The following CYRIA variants were observed in gnomAD, a reference collection of about 807,000 sequenced individuals.
CYRIA encodes CYFIP-related Rac1 interactor A.
CYRIA carries 15 observed loss-of-function variants against 43.9 expected under a neutral mutation model. The observed-to-expected ratio is 0.34, with a 90% confidence interval of 0.23 to 0.53. The LOEUF is 0.53. CYRIA is among the 20% of genes least tolerant of loss of function. The probability of loss-of-function intolerance (pLI) is 0.94; values close to 1 mark genes in which losing one functional copy is unlikely to be tolerated. For synonymous variants in CYRIA, 117 were observed against 136.0 expected (o/e 0.86, Z 0.97); for missense variants, 236 against 394.2 (o/e 0.60, Z 3.40).
At chr2:16,583,581 T>A (rs1667623573) in intron 3 of CYRIA, among the ~76,000 whole-genome samples, 4 of 152,174 alleles carry the variant, frequency 2.6e-5, no homozygotes, top group Admixed American at 1.3e-4. Context: ...CATTGAAAGG[T>A]TAATGCCTAC....
chr2:16,656,046 C>T (rs993638910), intron 1 of CYRIA, among the ~76,000 whole-genome samples: 3 of 152,012 alleles, frequency 2.0e-5, no homozygotes, highest in South Asian at 4.1e-4. Context: ...GTCAGTTCCA[C>T]CTGTGAGCTA....
intron 1 of CYRIA, among the ~76,000 whole-genome samples, chr2:16,648,537 G>C (rs1327580526): frequency 6.6e-6 from 1 of 152,188 alleles, no homozygotes. Flanking sequence ...TCAGCAAAAG[G>C]CTTTGTGGAT....
At chr2:16,560,258 A>G (rs1439807516) in intron 9 of CYRIA, among the ~76,000 whole-genome samples, 1 of 152,260 alleles carries the variant, frequency 6.6e-6, no homozygotes, top group East Asian at 1.9e-4. Context: ...AATAAATCTT[A>G]ACTTTGGTAC....
intron 5 of CYRIA, among the ~76,000 whole-genome samples, chr2:16,563,480 T>G (rs1044527240): frequency 6.6e-6 from 1 of 152,208 alleles, no homozygotes; most frequent in Admixed American, 6.5e-5. Context: ...GTCATATTGC[T>G]GGTCACATTG....
chr2:16,554,883 AT>A (rs530178561), intron 11 of CYRIA, among the ~76,000 whole-genome samples, 185 bp downstream of exon 11: 1 of 151,970 alleles, frequency 6.6e-6, no homozygotes, highest in African/African-American at 2.4e-5. Context: ...CTTAAATCTC[AT>A]TTTTTTTCCA....
chr2:16,564,023 C>A lies in CYRIA; in HGVS notation c.264G>T (p.Arg88Ser), dbSNP rs1333522541. The stretch of plus-strand genomic sequence containing the variant: ...TGGAAAACTCGTAAAATCTCTTTAG[C>A]CTCACAACAAGAGGGCACACCGCAT... ...AWNAVCPLVVRLKRFYEFSIR... is the reference protein window; with the variant it reads ...AWNAVCPLVVSLKRFYEFSIR... Residue 88 changes from arginine (R) to serine (S), a missense_variant, in exon 5 of 12, where the codon AGG becomes AGT. Physicochemically the swap from Arg to Ser is moderately radical, Grantham distance 110. Around this residue, in one of 3 missense-constraint regions of CYRIA, gnomAD observed 193 missense variants for 303.9 expected, o/e 0.64. Transcript: ENST00000381323. The A allele has an allele frequency of 1.9e-6, 3 of 1,613,302 alleles. No individual in the cohort carries two copies. In the African/African-American group the frequency reaches 4.0e-5, roughly 22 times the overall value.
chr2:16,653,308 C>T (rs1436028451), intron 1 of CYRIA, among the ~76,000 whole-genome samples: 1 of 152,252 alleles, frequency 6.6e-6, no homozygotes, highest in East Asian at 1.9e-4. Context: ...TCTGGCCAGA[C>T]ACACTCCACT....
chr2:16,600,101 G>A (rs963275660), intron 2 of CYRIA, among the ~76,000 whole-genome samples: 1 of 152,184 alleles, frequency 6.6e-6, no homozygotes. Flanking sequence ...TGTACCCCAT[G>A]TCATATAGCA....
intron 3 of CYRIA, among the ~76,000 whole-genome samples, chr2:16,573,084 C>T (rs1337443320): frequency 6.6e-6 from 1 of 152,228 alleles, no homozygotes; most frequent in Non-Finnish European, 1.5e-5. Flanking sequence ...GCCGTTTCTG[C>T]CCGAGGAATG....
At chr2:16,588,713 T>G (rs1667820998) in intron 2 of CYRIA, among the ~76,000 whole-genome samples, 1 of 152,120 alleles carries the variant, frequency 6.6e-6, no homozygotes, top group South Asian at 2.1e-4. Flanking sequence ...ATATTTACAC[T>G]GCCAGGAACT....
At chr2:16,567,281 G>A (rs1666968841) in intron 3 of CYRIA, among the ~76,000 whole-genome samples, 2 of 152,104 alleles carry the variant, frequency 1.3e-5, no homozygotes, top group Non-Finnish European at 2.9e-5. Context: ...GTGCATGCCT[G>A]TAGTCTCAGC....
intron 1 of CYRIA, among the ~76,000 whole-genome samples, chr2:16,653,721 G>A (rs1380724625): frequency 4.6e-5 from 7 of 152,262 alleles, no homozygotes; most frequent in Admixed American, 2.0e-4. Context: ...ACAGATGGAC[G>A]GATGAATTTG....
intron 1 of CYRIA, among the ~76,000 whole-genome samples, chr2:16,635,857 C>T (rs1669480143): frequency 2.6e-5 from 4 of 152,140 alleles, no homozygotes; most frequent in Admixed American, 2.0e-4. Flanking sequence ...ACCTTGCTTT[C>T]GACACATTCA....
At chr2:16,623,660 AC>A (rs1669069363) in intron 2 of CYRIA, among the ~76,000 whole-genome samples, 1 of 152,128 alleles carries the variant, frequency 6.6e-6, no homozygotes, top group African/African-American at 2.4e-5. Flanking sequence ...ATTCTCAGCT[AC>A]CCTCTTTCAT....
At chr2:16,639,617 C>T (rs1177107456) in intron 1 of CYRIA, among the ~76,000 whole-genome samples, 8 of 152,238 alleles carry the variant, frequency 5.3e-5, no homozygotes, top group Admixed American at 1.3e-4. Context: ...CCTTTATTAG[C>T]ATAACGTCCC....
At chr2:16,583,806 A>T (rs1667633160) in intron 3 of CYRIA, among the ~76,000 whole-genome samples, 1 of 152,338 alleles carries the variant, frequency 6.6e-6, no homozygotes, top group South Asian at 2.1e-4. Flanking sequence ...GATGAAAAAC[A>T]ACAACAAAGA....
chr2:16,588,304 T>A (rs1454396441), intron 2 of CYRIA, among the ~76,000 whole-genome samples, 175 bp from the exon 3 acceptor site: 2 of 152,060 alleles, frequency 1.3e-5, no homozygotes, highest in Non-Finnish European at 2.9e-5. Context: ...GATAAATATC[T>A]CTGAGGTGCT....
intron 3 of CYRIA, among the ~76,000 whole-genome samples, chr2:16,568,844 T>C (rs1302155496): frequency 6.6e-6 from 1 of 152,074 alleles, no homozygotes; most frequent in Non-Finnish European, 1.5e-5. Flanking sequence ...GTCACCTGGC[T>C]CCACCCTAGC....
chr2:16,585,576 C>T (rs147691103), intron 3 of CYRIA, among the ~76,000 whole-genome samples: 86 of 152,240 alleles, frequency 5.6e-4, no homozygotes, highest in African/African-American at 2.0e-3. Context: ...CAGTAATAAG[C>T]TACCAGATAT....
Sources: allele counts gnomAD v4.1 joint callset (sites outside exome capture counted in the v4.1 genomes callset), GRCh38; gene constraint gnomAD v4.1.1; regional missense constraint gnomAD v4.1.1; transcripts MANE v1.5; gene names NCBI Gene and HGNC (gene_info 2026-07-23, HGNC 2026-07-21).